UBXN6: variants seen among roughly 807,000 people sequenced by gnomAD.
The protein encoded by UBXN6 is UBX domain protein 6.
A neutral mutation model predicts 51.4 loss-of-function variants in UBXN6; 44 were observed. That is an observed-to-expected ratio of 0.86 (90% CI 0.67 to 1.10). The LOEUF is 1.10. UBXN6 is among the 50% of genes least tolerant of loss of function. The probability of loss-of-function intolerance (pLI) is 0.00; values close to 1 mark genes in which losing one functional copy is unlikely to be tolerated. For synonymous variants in UBXN6, 316 were observed against 263.2 expected (o/e 1.20, Z -1.94); for missense variants, 672 against 596.1 (o/e 1.13, Z -1.32).
Position 4,445,489 on chromosome 19 carries a change from G to A in UBXN6, c.*9C>T. 1 of 1,613,802 alleles carries A rather than the reference G, an allele frequency of 6.2e-7. No homozygotes were observed. Among genetic ancestry groups the A allele is most frequent in the Non-Finnish European group, 8.5e-7 (1 of 1,179,954 alleles). Reference sequence around the variant, plus strand: ...GACCCACAGGGCTGAGGCCAACCCTGCTTTTATTTCACAAGAGCTTCTCGA... The same window carrying A: ...GACCCACAGGGCTGAGGCCAACCCTACTTTTATTTCACAAGAGCTTCTCGA... On this transcript the variant is annotated 3_prime_UTR_variant, in exon 11 of 11. Coordinates refer to ENST00000301281, the MANE Select transcript of UBXN6 (RefSeq NM_025241.3).
At position 4,447,600 on chromosome 19, in the gene UBXN6, G is replaced by A; in HGVS notation, c.565C>T (p.Pro189Ser). 1 of 1,613,934 alleles carries A rather than the reference G, an allele frequency of 6.2e-7. No individual in the cohort carries two copies. The highest frequency in any genetic ancestry group is 8.5e-7 in the Non-Finnish European group (1 of 1,179,900). Residue 189 changes from proline to serine, a missense_variant, in exon 6 of 11, where the codon CCC (proline) becomes TCC (serine). Coordinates refer to ENST00000301281, the MANE Select transcript of UBXN6 (RefSeq NM_025241.3). ...ATCTTCCGGTACTTCTCCTCCTCGG[G>A]GTGCAGGTGGATGTTGTCCAGGTAC... is the stretch of plus-strand genomic sequence containing the variant. ...AKYLDNIHLH[P>S]EEEKYRKIKL...
At position 4,445,196 on chromosome 19, in the gene UBXN6, G is replaced by A; in HGVS notation, c.*302C>T. The A allele has an allele frequency of 2.7e-6, 1 of 371,594 alleles. No homozygotes were observed. The highest frequency in any genetic ancestry group is 2.5e-5 in the South Asian group (1 of 39,494). The allele number at this position is 371,594 out of a possible 1,614,324, so 23.0% of individuals were successfully genotyped here. A position where few individuals can be genotyped will look rare whatever the true frequency, so the allele number is the denominator to read the frequency against. On this transcript the variant is annotated 3_prime_UTR_variant, in exon 11 of 11. Coordinates refer to ENST00000301281, the MANE Select transcript of UBXN6 (RefSeq NM_025241.3). Reference sequence around the variant, plus strand: ...GCAGGCCTGCTCTCCTGCCCAGGGAGATGCCACGTGTGTCTGTCCGGCAGC... The same window carrying A: ...GCAGGCCTGCTCTCCTGCCCAGGGAAATGCCACGTGTGTCTGTCCGGCAGC...
At chr19:4,447,431 G>A (rs1221686548) in intron 6 of UBXN6, 119 bp downstream of exon 6, 1 of 1,100,692 alleles carries the variant, frequency 9.1e-7, no homozygotes, top group Non-Finnish European at 1.4e-6. Flanking sequence ...ACTGCTTGTG[G>A]CTCAACTCTC....
intron 5 of UBXN6, chr19:4,447,937 G>A (rs1974572159): frequency 6.0e-6 from 3 of 497,356 alleles, no homozygotes; most frequent in Admixed American, 6.5e-5. Context: ...CAGAGCTGAA[G>A]GGCCGCAGTG....
Position 4,457,736 on chromosome 19 carries a change from G to T in UBXN6, c.-39C>A, listed in dbSNP as rs545063702. On this transcript the variant is annotated 5_prime_UTR_variant, in exon 1 of 11. Coordinates refer to ENST00000301281, the MANE Select transcript of UBXN6 (RefSeq NM_025241.3). Reference sequence around the variant, plus strand: ...CCGGCGGCGGGGGGCCGCGGGGGCGGGGGGGCACGGGGCCCAGTCGGGGAC... The same window carrying T: ...CCGGCGGCGGGGGGCCGCGGGGGCGTGGGGGCACGGGGCCCAGTCGGGGAC... 14 of 1,401,186 alleles carry T rather than the reference G, an allele frequency of 1.0e-5. No homozygotes were observed. The Admixed American group carries it at 2.5e-4, about 25-fold the overall frequency. 86.8% of individuals were successfully genotyped at this position (1,401,186 alleles called of 1,614,324 possible). A position where few individuals can be genotyped will look rare whatever the true frequency, so the allele number is the denominator to read the frequency against.
intron 5 of UBXN6, 101 bp from the exon 6 acceptor site, chr19:4,447,726 C>G (rs1185121165): frequency 8.0e-6 from 10 of 1,255,278 alleles, no homozygotes; most frequent in Non-Finnish European, 1.2e-5. Context: ...CACACTTGGC[C>G]TCTAGTCAGA....
In UBXN6 at chr19:4,446,580, C is replaced by A. The variant is rs368841367; in HGVS notation, c.840G>T (p.Ser280=). 4.8e-5 allele frequency: 77 copies of A among 1,612,594 alleles called. No homozygotes were observed. The highest frequency in any genetic ancestry group is 3.2e-4 in the Admixed American group (19 of 60,018). The change falls in exon 8 of 11, where the codon TCG becomes TCT. Residue 280 remains serine (S), a synonymous_variant. Coordinates refer to ENST00000301281, the MANE Select transcript of UBXN6 (RefSeq NM_025241.3). ...GCAGTTCGAACTGCGAGGCCAGGGG[C>A]GAGGGCTGGAAGACGCGGCGCTGCC... ...LDRQRRVFQP[S]PLASQFELPG...
Position 4,448,330 on chromosome 19 carries a change from T to C in UBXN6, c.527A>G (p.Asp176Gly). 1.2e-6 allele frequency: 2 copies of C among 1,607,594 alleles called. No homozygotes were observed. The highest frequency in any genetic ancestry group is 1.7e-4 in the Middle Eastern group (1 of 6,054). ...GCCACACGCTCACTTGGCAATGGTG[T>C]CCACACCCAGCTTCACCCGGTCCTG... ...KDQDRVKLGV[D>G]TIAKYLDNIH... The change falls in exon 5 of 11, where the codon GAC (aspartate) becomes GGC (glycine). Residue 176 changes from aspartate (D) to glycine (G), a missense_variant. Physicochemically the swap from Asp to Gly is moderately conservative, Grantham distance 94. Coordinates refer to ENST00000301281, the MANE Select transcript of UBXN6 (RefSeq NM_025241.3).
Position 4,446,540 on chromosome 19 carries a change from T to C in UBXN6, c.880A>G (p.Asn294Asp). 1 of 1,612,130 alleles carries C rather than the reference T, an allele frequency of 6.2e-7. No individual in the cohort carries two copies. ...SQFELPGDFF[N>D]LTAEEIKREQ... The stretch of plus-strand genomic sequence containing the variant: ...CGCTTGATCTCCTCTGCTGTGAGGT[T>C]GAAGAAGTCCCCAGGCAGTTCGAAC... The change falls in exon 8 of 11, where the codon AAC becomes GAC. Residue 294 changes from asparagine (N) to aspartate (D), a missense_variant. By Grantham distance (23) the Asn-to-Asp change is conservative. Coordinates refer to ENST00000301281, the MANE Select transcript of UBXN6 (RefSeq NM_025241.3).
rs753848499 is a variant in UBXN6, at chr19:4,446,523, C to A, written c.897G>T (p.Glu299Asp). 4 of 1,611,046 alleles carry A rather than the reference C, an allele frequency of 2.5e-6. No homozygotes were observed. Among genetic ancestry groups the A allele is most frequent in the Non-Finnish European group, 3.4e-6 (4 of 1,179,602 alleles). The change falls in exon 8 of 11, where the codon GAG (glutamate) becomes GAT (aspartate). Residue 299 changes from glutamate to aspartate, a missense_variant. Transcript: ENST00000301281. The part of the protein sequence containing the change: ...PGDFFNLTAE[E>D]IKREQRLRSE... ...ACCTGAGCCTCTGCTCCCGCTTGATCTCCTCTGCTGTGAGGTTGAAGAAGT... is the reference window on the plus strand; with the variant it reads ...ACCTGAGCCTCTGCTCCCGCTTGATATCCTCTGCTGTGAGGTTGAAGAAGT...
chr19:4,455,177 G>A lies in UBXN6; in HGVS notation c.84-1084C>T, dbSNP rs191816351. The A allele has an allele frequency of 5.0e-5, 49 of 982,392 alleles. No individual in the cohort carries two copies. In the Admixed American group the frequency reaches 1.3e-3, roughly 26 times the overall value. The allele number at this position is 982,392 out of a possible 1,614,324, so 60.9% of individuals were successfully genotyped here. ...CCTTTCTCCCAACCTGCTCGGACGC[G>A]TCTGTCTCACCCGTCTCCTCTCAGG... On this transcript the variant is annotated intron_variant, in intron 1 of 10. Coordinates refer to ENST00000301281, the MANE Select transcript of UBXN6 (RefSeq NM_025241.3).
chr19:4,452,072 C>A (rs1159338069), intron 4 of UBXN6, among the ~76,000 whole-genome samples: 2 of 151,200 alleles, frequency 1.3e-5, no homozygotes, highest in Non-Finnish European at 2.9e-5. Context: ...TCGTTTGAAT[C>A]CAGGAGGCGG....
chr19:4,447,354 G>T, intron 6 of UBXN6, 196 bp downstream of exon 6: 1 of 608,902 alleles, frequency 1.6e-6, no homozygotes, highest in Non-Finnish European at 2.9e-6. Flanking sequence ...TGTTGATTTG[G>T]GGTGACCGGT....
intron 3 of UBXN6, 69 bp from the exon 4 acceptor site, chr19:4,452,561 A>C: frequency 6.5e-7 from 1 of 1,536,140 alleles, no homozygotes; most frequent in African/African-American, 1.4e-5. Context: ...CGAGCACCAC[A>C]GTCCTGAGTG....
At chr19:4,453,404 T>G in intron 3 of UBXN6, 54 bp downstream of exon 3, 1 of 1,586,318 alleles carries the variant, frequency 6.3e-7, no homozygotes, top group Non-Finnish European at 8.6e-7. Context: ...CGTGACACAG[T>G]CAAGCTGTCC....
In UBXN6 at chr19:4,448,418, G is replaced by A. The variant is rs1390656689; in HGVS notation, c.442-3C>T. 1.2e-6 allele frequency: 2 copies of A among 1,603,158 alleles called. No individual in the cohort carries two copies. The highest frequency in any genetic ancestry group is 1.3e-5 in the African/African-American group (1 of 74,690). On this transcript the variant is annotated splice_polypyrimidine_tract_variant and splice_region_variant and intron_variant, in intron 4 of 10. Transcript: ENST00000301281. Reference sequence around the variant, plus strand: ...GCCACTGGGTCGGTGGAGAAGTGCTGGGAGGAGGGAAGCAGGGAAAGCCAC... The same window carrying A: ...GCCACTGGGTCGGTGGAGAAGTGCTAGGAGGAGGGAAGCAGGGAAAGCCAC...
At chr19:4,447,854 C>T (rs897287029) in intron 5 of UBXN6, 12 of 565,908 alleles carry the variant, frequency 2.1e-5, no homozygotes, top group South Asian at 3.9e-5. Flanking sequence ...AACCCCTCAC[C>T]GTCCCACCAG....
rs776229378 is a variant in UBXN6 at position 4,446,664 on chromosome 19, G to C, written c.756C>G (p.Ser252Arg). 1 of 1,612,142 alleles carries C rather than the reference G, an allele frequency of 6.2e-7. No individual in the cohort carries two copies. Among genetic ancestry groups the C allele is most frequent in the Non-Finnish European group, 8.5e-7 (1 of 1,179,252 alleles). ...GCAGCTGTTCCTTGTGCCTCTCCAG[G>C]CTCTGGGGCTGGGCCAAGGTGGTCT... ...LSETTLAQPQSLERHKEQLLA... is the reference protein window; with the variant it reads ...LSETTLAQPQRLERHKEQLLA... The change falls in exon 8 of 11, where the codon AGC becomes AGG. Residue 252 changes from serine (S) to arginine (R), a missense_variant. Ser to Arg is a moderately radical substitution (Grantham distance 110). Transcript: ENST00000301281.
At chr19:4,450,546 CAGG>C (rs1023821346) in intron 4 of UBXN6, 9 of 152,050 alleles carry the variant, frequency 5.9e-5, no homozygotes, top group African/African-American at 2.2e-4. Flanking sequence ...ATCACGAGGT[CAGG>C]AGATCGAGAC....
Sources: allele counts gnomAD v4.1 joint callset (sites outside exome capture counted in the v4.1 genomes callset), GRCh38; gene constraint gnomAD v4.1.1; transcripts MANE v1.5; gene names NCBI Gene and HGNC (gene_info 2026-07-23, HGNC 2026-07-21).